Variants in CD33 observed in about 807,000 individuals in gnomAD.
CD33 encodes the protein CD33 molecule.
In CD33, 25 loss-of-function variants were observed where a neutral mutation model predicts 31.4. The observed-to-expected ratio is 0.80, with a 90% CI of 0.58 to 1.11. CD33 has a LOEUF of 1.11. Ranked by LOEUF, CD33 falls within the 50% of genes most tolerant of loss-of-function variation. The pLI, the probability that CD33 is intolerant of heterozygous loss-of-function variation, is 0.00. For missense variants in CD33, 407 were observed against 448.1 expected, an observed-to-expected ratio of 0.91 and a Z score of 0.83; for synonymous variants, 176 against 180.6, an observed-to-expected ratio of 0.97 and a Z score of 0.20.
intron 4 of CD33, among the ~76,000 whole-genome samples, chr19:51,231,368 G>A (rs1981396680): frequency 6.6e-6 from 1 of 152,218 alleles, no homozygotes; most frequent in Non-Finnish European, 1.5e-5. Flanking sequence ...TGACTCCGCT[G>A]GACTTCGTGG....
At chr19:51,214,390 G>A in the CD33 span, among the ~76,000 whole-genome samples, 2 of 150,544 alleles carry the variant, frequency 1.3e-5, no homozygotes, top group South Asian at 2.1e-4. Flanking sequence ...TAGAGACAGG[G>A]TTTCACCATG....
At chr19:51,216,049 C>T in the CD33 span, among the ~76,000 whole-genome samples, 1 of 152,208 alleles carries the variant, frequency 6.6e-6, no homozygotes, top group African/African-American at 2.4e-5. Flanking sequence ...ACTGGACTCT[C>T]CTGATCCCTC....
Position 51,239,523 on chromosome 19 carries a change from C to A in CD33, c.930C>A (p.His310Gln). Residue 310 changes from histidine to glutamine, a missense_variant, in exon 7 of 7, where the codon CAC becomes CAA. Physicochemically the swap from His to Gln is conservative, Grantham distance 24 (BLOSUM62 0). Transcript: ENST00000262262. ...HPTTGSASPK[H>Q]QKKSKLHGPT... ...CCTTCTTTCCTCTCCATAAGAAACA[C>A]CAGAAGAAGTCCAAGTTACATGGCC... 6.2e-7 allele frequency: 1 copy of A among 1,601,822 alleles called. No individual in the cohort carries two copies. Among genetic ancestry groups the A allele is most frequent in the South Asian group, 1.1e-5 (1 of 88,746 alleles).
In CD33 at chr19:51,225,535, C is replaced by T. The variant is rs202143203; in HGVS notation, c.355C>T (p.Arg119Trp). 1.5e-4 allele frequency: 243 copies of T among 1,599,290 alleles called. No individual in the cohort carries two copies. The highest frequency in any genetic ancestry group is 2.0e-4 in the Non-Finnish European group (230 of 1,172,544). The change falls in exon 2 of 7, where the codon CGG (arginine) becomes TGG (tryptophan). Residue 119 changes from arginine (R) to tryptophan (W), a missense_variant. Arg to Trp is a moderately radical substitution (Grantham distance 101). Coordinates refer to ENST00000262262, the MANE Select transcript of CD33 (RefSeq NM_001772.4). ...RRRDNGSYFF[R>W]MERGSTKYSY... is the part of the protein sequence containing the mutation. ...GAGGGATAATGGTTCATACTTCTTTCGGATGGAGAGAGGAAGTACCAAATA... is the reference window on the plus strand; with the variant it reads ...GAGGGATAATGGTTCATACTTCTTTTGGATGGAGAGAGGAAGTACCAAATA...
At chr19:51,226,468 C>T in intron 4 of CD33, 112 bp downstream of exon 4, 1 of 878,042 alleles carries the variant, frequency 1.1e-6, no homozygotes, top group Non-Finnish European at 1.9e-6. Flanking sequence ...TGCAGTTAGA[C>T]ACGGGTAGAC....
chr19:51,235,783 T>C (rs1296586528), intron 6 of CD33, 107 bp downstream of exon 6: 1 of 921,840 alleles, frequency 1.1e-6, no homozygotes, highest in South Asian at 1.4e-5. Flanking sequence ...GCTTATTGTC[T>C]TTCCTCCTGT....
At chr19:51,212,438 C>T in the CD33 span, among the ~76,000 whole-genome samples, 1 of 152,080 alleles carries the variant, frequency 6.6e-6, no homozygotes, top group South Asian at 2.1e-4. Context: ...GACCTCACCT[C>T]ATCCTGGTGA....
intron 4 of CD33, among the ~76,000 whole-genome samples, chr19:51,233,866 A>G (rs34813869): frequency 0.34 from 51,059 of 151,904 alleles, 8,919 homozygotes; most frequent in Admixed American, 0.47. Flanking sequence ...TGGGTTTCCA[A>G]TTACCACAGG....
In CD33 at chr19:51,235,420, T is replaced by C. The variant is rs551217090; in HGVS notation, c.842+167T>C. On this transcript the variant is annotated intron_variant, in intron 5 of 6. Transcript: ENST00000262262. Reference sequence around the variant, plus strand: ...TAGGCGTGGGTCTATTCCAGGGCCCTGATCTCAGATGTCCAAGGAGTGGGA... The same window carrying C: ...TAGGCGTGGGTCTATTCCAGGGCCCCGATCTCAGATGTCCAAGGAGTGGGA... 8.8e-5 allele frequency: 115 copies of C among 1,305,192 alleles called. No individual in the cohort carries two copies. In the African/African-American group the frequency reaches 1.0e-3, roughly 12 times the overall value. The allele number at this position is 1,305,192 out of a possible 1,614,324, so 80.9% of individuals were successfully genotyped here. A position where few individuals can be genotyped will look rare whatever the true frequency, so the allele number is the denominator to read the frequency against.
At chr19:51,239,439 A>T in intron 6 of CD33, 79 bp from the exon 7 acceptor site, 1 of 1,042,384 alleles carries the variant, frequency 9.6e-7, no homozygotes, top group Non-Finnish European at 1.4e-6. Context: ...AGTCAAATTT[A>T]CTTCATTGAC....
At chr19:51,231,797 C>T (rs1017604136) in intron 4 of CD33, among the ~76,000 whole-genome samples, 4 of 151,206 alleles carry the variant, frequency 2.6e-5, no homozygotes, top group South Asian at 2.1e-4. Flanking sequence ...CTCACTCTGT[C>T]GCCCAGGCAG....
Position 51,225,363 on chromosome 19 carries a change from C to A in CD33, c.183C>A (p.Phe61Leu). The change falls in exon 2 of 7, where the codon TTC (phenylalanine) becomes TTA (leucine). Residue 61 changes from phenylalanine (F) to leucine (L), a missense_variant. By Grantham distance (22) the Phe-to-Leu change is conservative. Coordinates refer to ENST00000262262, the MANE Select transcript of CD33 (RefSeq NM_001772.4). ...ACTCCCCAGTTCATGGTTACTGGTTCCGGGAAGGAGCCATTATATCCAGGG... is the reference window on the plus strand; with the variant it reads ...ACTCCCCAGTTCATGGTTACTGGTTACGGGAAGGAGCCATTATATCCAGGG... ...DKNSPVHGYW[F>L]REGAIISRDS... 6.2e-7 allele frequency: 1 copy of A among 1,614,182 alleles called. No individual in the cohort carries two copies. Among genetic ancestry groups the A allele is most frequent in the Non-Finnish European group, 8.5e-7 (1 of 1,180,032 alleles).
At chr19:51,225,056 TC>T, upstream of CD33, 1 of 1,602,162 alleles carries the variant, frequency 6.2e-7, no homozygotes, top group Non-Finnish European at 8.5e-7. Flanking sequence ...CTGTAGTCCT[TC>T]CCCTCCACTC....
At chr19:51,211,749 T>C in the CD33 span, 1 of 769,470 alleles carries the variant, frequency 1.3e-6, no homozygotes. Context: ...GGGCTGTACC[T>C]CAGTCACCCC....
Position 51,225,529 on chromosome 19 carries a change from T to A in CD33, c.349T>A (p.Phe117Ile), listed in dbSNP as rs771551166. Residue 117 changes from phenylalanine to isoleucine, a missense_variant, in exon 2 of 7, where the codon TTC becomes ATC. By Grantham distance (21) the Phe-to-Ile change is conservative. Transcript: ENST00000262262. ...CAGGAGGAGGGATAATGGTTCATAC[T>A]TCTTTCGGATGGAGAGAGGAAGTAC... ...DARRRDNGSYFFRMERGSTKY... is the reference protein window; with the variant it reads ...DARRRDNGSYIFRMERGSTKY... 36 of 1,602,904 alleles carry A rather than the reference T, an allele frequency of 2.2e-5. No homozygotes were observed. The highest frequency in any genetic ancestry group is 3.0e-5 in the Non-Finnish European group (35 of 1,174,360).
At chr19:51,230,879 C>T (rs780784860) in intron 4 of CD33, among the ~76,000 whole-genome samples, 1 of 152,110 alleles carries the variant, frequency 6.6e-6, no homozygotes, top group African/African-American at 2.4e-5. Flanking sequence ...TCAAACCCCT[C>T]GTGGCCTATG....
In CD33 at chr19:51,239,579, C is replaced by T; in HGVS notation, c.986C>T (p.Ala329Val). Reference sequence around the variant, plus strand: ...GAAACCTCAAGCTGTTCAGGTGCCGCCCCTACTGTGGAGATGGATGAGGAG... The same window carrying T: ...GAAACCTCAAGCTGTTCAGGTGCCGTCCCTACTGTGGAGATGGATGAGGAG... ...PTETSSCSGA[A>V]PTVEMDEELH... Residue 329 changes from alanine to valine, a missense_variant, in exon 7 of 7, where the codon GCC (alanine) becomes GTC (valine). Ala to Val is a moderately conservative substitution (Grantham distance 64). Coordinates refer to ENST00000262262, the MANE Select transcript of CD33 (RefSeq NM_001772.4). 1 of 1,613,732 alleles carries T rather than the reference C, an allele frequency of 6.2e-7. No individual in the cohort carries two copies. Among genetic ancestry groups the T allele is most frequent in the Non-Finnish European group, 8.5e-7 (1 of 1,179,854 alleles).
At position 51,239,520 on chromosome 19, in the gene CD33, A is replaced by G; in HGVS notation, c.927A>G (p.Lys309=). 1.3e-6 allele frequency: 2 copies of G among 1,598,244 alleles called. No homozygotes were observed. The highest frequency in any genetic ancestry group is 2.7e-5 in the African/African-American group (2 of 74,412). The stretch of plus-strand genomic sequence containing the variant: ...CCCCCTTCTTTCCTCTCCATAAGAA[A>G]CACCAGAAGAAGTCCAAGTTACATG... ...THPTTGSASP[K]HQKKSKLHGP... The change falls in exon 7 of 7, where the codon AAA becomes AAG. Residue 309 remains lysine (K), a splice_region_variant and synonymous_variant. Transcript: ENST00000262262.
At chr19:51,221,242 C>CTAT (rs1980674383), upstream of CD33, among the ~76,000 whole-genome samples, 2 of 152,080 alleles carry the variant, frequency 1.3e-5, no homozygotes, top group Admixed American at 1.3e-4. Flanking sequence ...TACTCAGTCT[C>CTAT]AGATATTCCT....
Sources: allele counts gnomAD v4.1 joint callset (sites outside exome capture counted in the v4.1 genomes callset), GRCh38; gene constraint gnomAD v4.1.1; transcripts MANE v1.5; gene names NCBI Gene and HGNC (gene_info 2026-07-23, HGNC 2026-07-21).